Variants in ME1 observed in about 807,000 individuals in gnomAD.
ME1 encodes the protein malic enzyme 1, also known as NADP-dependent malic enzyme.
A neutral mutation model predicts 66.4 loss-of-function variants in ME1; 74 were observed. That is an observed-to-expected ratio of 1.11 (90% CI 0.92 to 1.35). The LOEUF (loss-of-function observed/expected upper bound fraction) is 1.35, where lower values mean the gene tolerates loss of function less well. Among genes scored for constraint, ME1 ranks in the 40% most tolerant of loss-of-function variants. The pLI is 0.00. For missense variants in ME1, 750 were observed against 694.1 expected, an observed-to-expected ratio of 1.08 and a Z score of -0.90; for synonymous variants, 251 against 235.6, an observed-to-expected ratio of 1.07 and a Z score of -0.60.
chr6:83,272,310 G>A (rs1197152912), intron 6 of ME1, among the ~76,000 whole-genome samples: 1 of 150,154 alleles, frequency 6.7e-6, no homozygotes, highest in African/African-American at 2.5e-5. Context: ...TCCTAACAGA[G>A]AAGCATTTTT....
chr6:83,229,919 G>A (rs1273929827), intron 9 of ME1, among the ~76,000 whole-genome samples: 1 of 152,054 alleles, frequency 6.6e-6, no homozygotes, highest in Non-Finnish European at 1.5e-5. Flanking sequence ...AACTCCTGGG[G>A]TCAAGGGATC....
intron 1 of ME1, among the ~76,000 whole-genome samples, chr6:83,425,335 C>T (rs567151658): frequency 6.6e-6 from 1 of 152,138 alleles, no homozygotes; most frequent in South Asian, 2.1e-4. Flanking sequence ...GGTATGAATA[C>T]TGTATTAGTC....
chr6:83,381,051 C>T (rs560386641), intron 3 of ME1, among the ~76,000 whole-genome samples: 1 of 152,168 alleles, frequency 6.6e-6, no homozygotes, highest in Admixed American at 6.5e-5. Context: ...GAGGATAAGG[C>T]TGCAGAGTGT....
chr6:83,287,037 T>C (rs1232136465), intron 6 of ME1, among the ~76,000 whole-genome samples: 1 of 152,216 alleles, frequency 6.6e-6, no homozygotes, highest in Non-Finnish European at 1.5e-5. Flanking sequence ...CAGGTTAGTA[T>C]ATAACACTAA....
chr6:83,383,682 G>T (rs777418657), intron 3 of ME1, among the ~76,000 whole-genome samples: 1 of 151,662 alleles, frequency 6.6e-6, no homozygotes, highest in African/African-American at 2.4e-5. Flanking sequence ...TAGTGAAAAT[G>T]TTTTATTTCA....
intron 6 of ME1, among the ~76,000 whole-genome samples, chr6:83,259,475 A>C (rs1261714427): frequency 5.9e-5 from 9 of 152,220 alleles, no homozygotes. Flanking sequence ...AATAAGGAAA[A>C]GAGTGGAGTA....
At chr6:83,332,055 C>T (rs1035872210) in intron 5 of ME1, among the ~76,000 whole-genome samples, 8 of 151,964 alleles carry the variant, frequency 5.3e-5, no homozygotes, top group Non-Finnish European at 1.2e-4. Context: ...ATTTACTTCA[C>T]GTAACAAGTA....
At chr6:83,346,456 T>C (rs45524131) in intron 4 of ME1, 122 bp from the exon 5 acceptor site, 9,877 of 541,310 alleles carry the variant, frequency 0.018, 123 homozygotes, top group Non-Finnish European at 0.025. Flanking sequence ...ATAAATTGAA[T>C]ATTTATGAAA....
intron 3 of ME1, among the ~76,000 whole-genome samples, chr6:83,354,412 G>A (rs943911852): frequency 2.0e-5 from 3 of 152,194 alleles, no homozygotes; most frequent in Non-Finnish European, 4.4e-5. Context: ...GATTATAGGC[G>A]TGAGCTACGG....
intron 5 of ME1, among the ~76,000 whole-genome samples, chr6:83,330,496 G>C (rs1768383322): frequency 1.3e-5 from 2 of 152,048 alleles, no homozygotes; most frequent in South Asian, 4.2e-4. Flanking sequence ...TCTGGAGCAG[G>C]GTGCAAAATT....
At chr6:83,316,815 AT>A (rs1340883237) in intron 5 of ME1, among the ~76,000 whole-genome samples, 1 of 152,108 alleles carries the variant, frequency 6.6e-6, no homozygotes, top group Non-Finnish European at 1.5e-5. Context: ...ATACAACTCC[AT>A]TTATAATACC....
At chr6:83,349,642 T>C (rs75188642) in intron 4 of ME1, among the ~76,000 whole-genome samples, 2,214 of 152,336 alleles carry the variant, frequency 0.015, 28 homozygotes, top group Non-Finnish European at 0.025. Context: ...TTGCATCTTT[T>C]CCTGCTTTCT....
chr6:83,247,779 C>T (rs1481833414), intron 7 of ME1, among the ~76,000 whole-genome samples: 1 of 152,162 alleles, frequency 6.6e-6, no homozygotes, highest in Non-Finnish European at 1.5e-5. Flanking sequence ...ACGGTTTGGT[C>T]ATTTCTAGTC....
chr6:83,313,016 C>G (rs1034710886), intron 6 of ME1, among the ~76,000 whole-genome samples: 8 of 152,158 alleles, frequency 5.3e-5, no homozygotes, highest in African/African-American at 1.9e-4. Context: ...CTCGGCCTTC[C>G]AAAGTGCTGG....
At chr6:83,310,240 G>C (rs188399602) in intron 6 of ME1, among the ~76,000 whole-genome samples, 1 of 152,214 alleles carries the variant, frequency 6.6e-6, no homozygotes, top group East Asian at 1.9e-4. Context: ...TCCACATCCA[G>C]TGACTAATTG....
At chr6:83,216,685 T>A in intron 12 of ME1, 89 bp from the exon 13 acceptor site, 1 of 796,254 alleles carries the variant, frequency 1.3e-6, no homozygotes, top group Non-Finnish European at 2.0e-6. Flanking sequence ...CGGTTACATA[T>A]AATGGTCTAT....
chr6:83,310,474 G>A (rs1291635964), intron 6 of ME1, among the ~76,000 whole-genome samples: 3 of 152,106 alleles, frequency 2.0e-5, no homozygotes, highest in African/African-American at 2.4e-5. Context: ...CTTCATTTCC[G>A]AATGTGCCTC....
At chr6:83,286,021 C>T (rs371100757) in intron 6 of ME1, among the ~76,000 whole-genome samples, 10 of 152,168 alleles carry the variant, frequency 6.6e-5, no homozygotes, top group East Asian at 3.9e-4. Context: ...ATAAGATTTC[C>T]GAATTCAGAA....
At chr6:83,372,698 T>C (rs1383224474) in intron 3 of ME1, among the ~76,000 whole-genome samples, 1 of 152,224 alleles carries the variant, frequency 6.6e-6, no homozygotes, top group African/African-American at 2.4e-5. Context: ...ATATTCCTGT[T>C]ACAGGTAAAC....
Sources: gnomAD v4.1 joint callset for allele counts (sites outside exome capture counted in the v4.1 genomes callset) on GRCh38, gnomAD v4.1.1 for gene constraint, MANE v1.5 for transcripts, NCBI Gene and HGNC (gene_info 2026-07-23, HGNC 2026-07-21) for gene names.